The following DHX32 variants were observed in gnomAD, a reference collection of about 807,000 sequenced individuals.
The protein encoded by DHX32 is putative pre-mRNA-splicing factor ATP-dependent RNA helicase DHX32.
DHX32 carries 51 observed loss-of-function variants against 70.0 expected under a neutral mutation model. The ratio of observed to expected loss-of-function variants is 0.73; its 90% confidence interval spans 0.58 to 0.92. The LOEUF (loss-of-function observed/expected upper bound fraction) is 0.92. Ranked by LOEUF, DHX32 falls within the 40% of genes least tolerant of loss-of-function variation. The pLI is 0.00. For missense variants in DHX32, 762 were observed against 891.8 expected (o/e 0.85, Z 1.85); for synonymous variants, 310 against 315.3 (o/e 0.98, Z 0.18).
At chr10:125,853,614 G>A (rs2134046531) in intron 4 of DHX32, 1 of 228,188 alleles carries the variant, frequency 4.4e-6, no homozygotes, top group East Asian at 1.0e-4. Flanking sequence ...CATAAGAAGA[G>A]ATCAGTTTAA....
chr10:125,852,019 T>C (rs1944097166), intron 6 of DHX32, among the ~76,000 whole-genome samples: 4 of 152,028 alleles, frequency 2.6e-5, no homozygotes, highest in Admixed American at 2.6e-4. Flanking sequence ...ATACTCCACA[T>C]TACCCAGCTC....
intron 6 of DHX32, among the ~76,000 whole-genome samples, chr10:125,849,093 G>A (rs1944059015): frequency 6.6e-6 from 1 of 152,150 alleles, no homozygotes; most frequent in African/African-American, 2.4e-5. Context: ...ATCATTAATA[G>A]CATTCATGCC....
chr10:125,838,539 A>C, intron 9 of DHX32, 152 bp from the exon 10 acceptor site: 1 of 781,010 alleles, frequency 1.3e-6, no homozygotes. Flanking sequence ...CATGTAGAAA[A>C]TAAGCCATAA....
At chr10:125,881,757 T>G (rs1944319010), upstream of DHX32, among the ~76,000 whole-genome samples, 1 of 152,170 alleles carries the variant, frequency 6.6e-6, no homozygotes, top group African/African-American at 2.4e-5. Context: ...TCCCCCTGCC[T>G]CAGCCTCCTG....
chr10:125,852,353 G>T lies in DHX32; in HGVS notation c.1291C>A (p.Leu431Ile), dbSNP rs1307137995. 1 of 1,614,046 alleles carries T rather than the reference G, an allele frequency of 6.2e-7. No individual in the cohort carries two copies. The highest frequency in any genetic ancestry group is 1.3e-5 in the African/African-American group (1 of 74,892). ...GCAATGTCTATCCTCTTCATAAAAAGCACCATGCTTGTTAGGTTGGCTTCC... is the reference window on the plus strand; with the variant it reads ...GCAATGTCTATCCTCTTCATAAAAATCACCATGCTTGTTAGGTTGGCTTCC... Reference protein sequence around the residue: ...MQEANLTSMVLFMKRIDIAGL... With the variant: ...MQEANLTSMVIFMKRIDIAGL... The change falls in exon 6 of 11, where the codon CTT becomes ATT. Residue 431 changes from leucine to isoleucine, a missense_variant. Leu to Ile is a conservative substitution (Grantham distance 5). Around this residue, in one of 3 missense-constraint regions of DHX32, gnomAD observed 366 missense variants for 402.6 expected, o/e 0.91. Coordinates refer to ENST00000284690, the MANE Select transcript of DHX32 (RefSeq NM_018180.3).
intron 1 of DHX32, among the ~76,000 whole-genome samples, chr10:125,894,837 C>A (rs1944420612): frequency 6.6e-6 from 1 of 152,256 alleles, no homozygotes; most frequent in African/African-American, 2.4e-5. Context: ...ATGAAAAGAC[C>A]GCTTTGTGAT....
At chr10:125,894,604 AT>A (rs1944404313) in intron 1 of DHX32, among the ~76,000 whole-genome samples, 1 of 152,306 alleles carries the variant, frequency 6.6e-6, no homozygotes, top group Admixed American at 6.5e-5. Context: ...ACCAATACAT[AT>A]CCCCATTTTT....
At position 125,836,564 on chromosome 10, in the gene DHX32, T is replaced by C; in HGVS notation, c.*123A>G. 1 of 1,368,010 alleles carries C rather than the reference T, an allele frequency of 7.3e-7. No homozygotes were observed. Among genetic ancestry groups the C allele is most frequent in the Non-Finnish European group, 9.7e-7 (1 of 1,034,010 alleles). The allele number at this position is 1,368,010 out of a possible 1,614,324, so 84.7% of individuals were successfully genotyped here. ...TATTTTAAAATAATATACACAGTGT[T>C]ATTTTCTTCAAGACCGTCCTGTGGA... is the stretch of plus-strand genomic sequence containing the variant. On this transcript the variant is annotated 3_prime_UTR_variant, in exon 11 of 11. Transcript: ENST00000284690.
rs1854689224 is a variant in DHX32 at position 125,836,485 on chromosome 10, A to G, written c.*202T>C. The G allele has an allele frequency of 3.6e-6, 5 of 1,387,814 alleles. No homozygotes were observed. The highest frequency in any genetic ancestry group is 9.4e-7 in the Non-Finnish European group (1 of 1,067,074). The allele number at this position is 1,387,814 out of a possible 1,614,324, so 86.0% of individuals were successfully genotyped here. A position where few individuals can be genotyped will look rare whatever the true frequency, so the allele number is the denominator to read the frequency against. On this transcript the variant is annotated 3_prime_UTR_variant, in exon 11 of 11. Transcript: ENST00000284690. ...GGTTGATTTAAAAACTTTTCCAAGAAGAAGAAAAGCATGGAGTAGTAATTT... is the reference window on the plus strand; with the variant it reads ...GGTTGATTTAAAAACTTTTCCAAGAGGAAGAAAAGCATGGAGTAGTAATTT...
intron 6 of DHX32, among the ~76,000 whole-genome samples, chr10:125,843,529 G>A (rs1297137708): frequency 1.3e-4 from 20 of 152,034 alleles, no homozygotes; most frequent in African/African-American, 3.9e-4. Context: ...GGAGAATGGC[G>A]TGAACCCAGG....
chr10:125,896,156 C>A, intron 1 of DHX32: 1 of 164,082 alleles, frequency 6.1e-6, no homozygotes, highest in Non-Finnish European at 1.3e-5. Flanking sequence ...CCACCCGGCT[C>A]GGGGCGCGCC....
At position 125,861,221 on chromosome 10, in the gene DHX32, A is replaced by C. The variant is rs186006008; in HGVS notation, c.477-1246T>G. 4.6e-5 allele frequency among the ~76,000 whole-genome samples: 7 copies of C among 151,740 alleles called. No individual in the cohort carries two copies. In the South Asian group the frequency reaches 6.3e-4, roughly 14 times the overall value. On this transcript the variant is annotated intron_variant, in intron 2 of 10. Coordinates refer to ENST00000284690, the MANE Select transcript of DHX32 (RefSeq NM_018180.3). ...TCCTCACCATTCCCAGAACTGATAA[A>C]GAGTAGTTTGCCCCGCCTGTAATCC...
At chr10:125,887,639 GT>G (rs559463047) in intron 1 of DHX32, among the ~76,000 whole-genome samples, 4 of 150,618 alleles carry the variant, frequency 2.7e-5, no homozygotes, top group African/African-American at 4.9e-5. Flanking sequence ...TTGTGTGTGT[GT>G]TTTTTTTTAA....
upstream of DHX32, among the ~76,000 whole-genome samples, chr10:125,882,436 A>G (rs1196619084): frequency 6.6e-6 from 1 of 152,190 alleles, no homozygotes; most frequent in Non-Finnish European, 1.5e-5. Flanking sequence ...CCAGGGCAAC[A>G]GTCAATCACT....
chr10:125,871,862 C>CTTTTT (rs367881568), intron 1 of DHX32, among the ~76,000 whole-genome samples: 9 of 131,258 alleles, frequency 6.9e-5, no homozygotes, highest in African/African-American at 8.6e-5. Context: ...TGCTTCTTTT[C>CTTTTT]TTTTTTTTTT....
In DHX32 at chr10:125,866,955, A is replaced by G. The variant is rs1285204552; in HGVS notation, c.476+35T>C. On this transcript the variant is annotated intron_variant, in intron 2 of 10. Coordinates refer to ENST00000284690, the MANE Select transcript of DHX32 (RefSeq NM_018180.3). This position sits in a 1 kb window ranked among gnomAD's most constrained non-coding sequence, Gnocchi z 4.8. Reference sequence around the variant, plus strand: ...AATTGTAGAACCTAAGCCAAGAATCATCAGCAGGGAGCGGACTGAACCCCA... The same window carrying G: ...AATTGTAGAACCTAAGCCAAGAATCGTCAGCAGGGAGCGGACTGAACCCCA... The G allele has an allele frequency of 5.0e-6, 8 of 1,588,154 alleles. No homozygotes were observed. The South Asian group carries it at 9.2e-5, about 18-fold the overall frequency.
chr10:125,895,050 C>T (rs969248602), intron 1 of DHX32, among the ~76,000 whole-genome samples: 11 of 152,384 alleles, frequency 7.2e-5, no homozygotes, highest in African/African-American at 2.4e-4. Flanking sequence ...GTATATATCA[C>T]GCTGCTTGTC....
intron 1 of DHX32, among the ~76,000 whole-genome samples, chr10:125,894,667 CTGT>C (rs1944409298): frequency 6.6e-6 from 1 of 152,088 alleles, no homozygotes; most frequent in Non-Finnish European, 1.5e-5. Context: ...GAGACCTGCA[CTGT>C]TGTTTCTTCT....
At chr10:125,841,420 A>T (rs17153665) in intron 7 of DHX32, 32,421 of 1,589,222 alleles carry the variant, frequency 0.02, 397 homozygotes, top group Non-Finnish European at 0.025. Context: ...GGCACACAAC[A>T]TTATTTGGGG....
Sources: allele counts gnomAD v4.1 joint callset (sites outside exome capture counted in the v4.1 genomes callset), GRCh38; gene constraint gnomAD v4.1.1; regional missense constraint gnomAD v4.1.1; non-coding constraint Gnocchi (gnomAD v3.1); transcripts MANE v1.5; gene names NCBI Gene and HGNC (gene_info 2026-07-23, HGNC 2026-07-21).